Variants in FOXK2 observed in about 807,000 individuals in gnomAD.
The protein encoded by FOXK2 is forkhead box protein K2.
A neutral mutation model predicts 53.3 loss-of-function variants in FOXK2; 24 were observed. The ratio of observed to expected loss-of-function variants is 0.45; its 90% CI spans 0.33 to 0.63. The LOEUF is 0.63. Ranked by LOEUF, FOXK2 falls within the 30% of genes least tolerant of loss-of-function variation. The probability of loss-of-function intolerance (pLI) is 0.03; values close to 1 mark genes in which losing one functional copy is unlikely to be tolerated. For missense variants in FOXK2, 952 were observed against 910.5 expected, an observed-to-expected ratio of 1.05 and a Z score of -0.59; for synonymous variants, 505 against 407.1, an observed-to-expected ratio of 1.24 and a Z score of -2.89.
At chr17:82,568,781 G>A (rs960434998) in intron 3 of FOXK2, among the ~76,000 whole-genome samples, 2 of 152,132 alleles carry the variant, frequency 1.3e-5, no homozygotes, top group Non-Finnish European at 2.9e-5. Context: ...AGGCCAAGGC[G>A]GGGGGATCAC....
rs2045193479 is a variant in FOXK2 at position 82,587,225 on chromosome 17, C to G, written c.1739C>G (p.Thr580Ser). 6.2e-7 allele frequency: 1 copy of G among 1,612,992 alleles called. No homozygotes were observed. Among genetic ancestry groups the G allele is most frequent in the South Asian group, 1.1e-5 (1 of 91,090 alleles). The change falls in exon 8 of 9, where the codon ACT (threonine) becomes AGT (serine). Residue 580 changes from threonine to serine, a missense_variant. By Grantham distance (58) the Thr-to-Ser change is moderately conservative. Coordinates refer to ENST00000335255, the MANE Select transcript of FOXK2 (RefSeq NM_004514.4). Reference sequence around the variant, plus strand: ...ATAAAAACTGTAACACAAAACGGCACTCACGTGGCATCAGTCCCCACTGCG... The same window carrying G: ...ATAAAAACTGTAACACAAAACGGCAGTCACGTGGCATCAGTCCCCACTGCG... ...LPIKTVTQNG[T>S]HVASVPTAVH... is the part of the protein sequence containing the mutation.
At chr17:82,543,926 G>A (rs1167403479) in intron 1 of FOXK2, among the ~76,000 whole-genome samples, 1 of 151,834 alleles carries the variant, frequency 6.6e-6, no homozygotes, top group South Asian at 2.1e-4. Context: ...ACAGGCACCC[G>A]CCACCACGCC....
intron 8 of FOXK2, among the ~76,000 whole-genome samples, chr17:82,591,610 A>G (rs2045253417): frequency 6.6e-6 from 1 of 152,144 alleles, no homozygotes; most frequent in African/African-American, 2.4e-5. Flanking sequence ...AGTACATGGA[A>G]AGGAAAGCCT....
intron 1 of FOXK2, among the ~76,000 whole-genome samples, chr17:82,521,901 A>C (rs574231441): frequency 8.9e-4 from 134 of 151,032 alleles, no homozygotes; most frequent in Non-Finnish European, 1.7e-3. Context: ...GCACCACTGC[A>C]CTCCAGCCTG....
At chr17:82,523,112 A>G (rs1042229092) in intron 1 of FOXK2, among the ~76,000 whole-genome samples, 30 of 152,208 alleles carry the variant, frequency 2.0e-4, no homozygotes, top group African/African-American at 7.2e-4. Context: ...CCTTTTGAAC[A>G]GTAGGAATGA....
chr17:82,591,027 G>A (rs1225239865), intron 8 of FOXK2, among the ~76,000 whole-genome samples: 1 of 152,230 alleles, frequency 6.6e-6, no homozygotes, highest in Non-Finnish European at 1.5e-5. Context: ...CGGGGCTCAG[G>A]GCTTGGCCCC....
At chr17:82,524,131 C>G (rs184497243) in intron 1 of FOXK2, among the ~76,000 whole-genome samples, 1 of 152,056 alleles carries the variant, frequency 6.6e-6, no homozygotes. Context: ...TCAGGTGATC[C>G]GTCCCGCCTC....
chr17:82,548,656 G>C (rs1361734508), intron 1 of FOXK2, among the ~76,000 whole-genome samples: 1 of 152,150 alleles, frequency 6.6e-6, no homozygotes, highest in Non-Finnish European at 1.5e-5. Context: ...GAGGTGTACA[G>C]TCAAAAGCAT....
At chr17:82,526,736 A>C (rs919175379) in intron 1 of FOXK2, among the ~76,000 whole-genome samples, 5 of 151,984 alleles carry the variant, frequency 3.3e-5, no homozygotes, top group Non-Finnish European at 4.4e-5. Flanking sequence ...AGGCTGAGGC[A>C]GGAGAATGGC....
intron 3 of FOXK2, 101 bp from the exon 4 acceptor site, chr17:82,571,623 C>A: frequency 1.7e-6 from 2 of 1,208,786 alleles, no homozygotes; most frequent in South Asian, 3.7e-5. Context: ...AATGAGGTAT[C>A]AGAGGAACAC....
intron 1 of FOXK2, among the ~76,000 whole-genome samples, chr17:82,556,914 G>C (rs1032462854): frequency 6.6e-6 from 1 of 151,994 alleles, no homozygotes; most frequent in Non-Finnish European, 1.5e-5. Flanking sequence ...TGTTGGCCAG[G>C]CTAGTCTTGA....
At chr17:82,528,355 A>C (rs2044439034) in intron 1 of FOXK2, among the ~76,000 whole-genome samples, 1 of 152,172 alleles carries the variant, frequency 6.6e-6, no homozygotes, top group African/African-American at 2.4e-5. Context: ...AGGATTTCTA[A>C]ATTAAGGAAG....
intron 1 of FOXK2, among the ~76,000 whole-genome samples, chr17:82,556,243 AG>A (rs957685418): frequency 5.9e-5 from 9 of 152,042 alleles, no homozygotes; most frequent in African/African-American, 2.2e-4. Flanking sequence ...CAGGAGATTG[AG>A]ACCATCCTGG....
At chr17:82,552,813 A>G (rs892002921) in intron 1 of FOXK2, among the ~76,000 whole-genome samples, 3 of 152,172 alleles carry the variant, frequency 2.0e-5, no homozygotes, top group South Asian at 4.1e-4. Flanking sequence ...TGGAGTGCAG[A>G]GTGACCTCTG....
intron 1 of FOXK2, among the ~76,000 whole-genome samples, chr17:82,535,116 C>T (rs555396074): frequency 4.6e-5 from 7 of 152,258 alleles, no homozygotes; most frequent in Non-Finnish European, 1.0e-4. Context: ...CTGACCTCAG[C>T]TTATCCACCT....
chr17:82,586,509 AAGGAGGAGAGGGGAGACCACAGGGAGG>A (rs2045168099), intron 7 of FOXK2, among the ~76,000 whole-genome samples: 1 of 127,426 alleles, frequency 7.8e-6, no homozygotes, highest in African/African-American at 3.2e-5. Context: ...CCGGGGGGGA[AAGGAGGAGAGGGGAGACCACAGGGAGG>A]TCAAAGGTAG....
chr17:82,573,926 T>TG (rs559205243), intron 4 of FOXK2, among the ~76,000 whole-genome samples: 1 of 152,184 alleles, frequency 6.6e-6, no homozygotes, highest in Non-Finnish European at 1.5e-5. Flanking sequence ...GCCTCAGTTT[T>TG]GGGGGGGCCC....
intron 6 of FOXK2, 101 bp from the exon 7 acceptor site, chr17:82,585,803 T>A: frequency 8.3e-7 from 1 of 1,206,830 alleles, no homozygotes; most frequent in Non-Finnish European, 1.2e-6. Flanking sequence ...TCCTATATTT[T>A]AAATTAAAGT....
At chr17:82,582,594 T>A in intron 4 of FOXK2, 147 bp from the exon 5 acceptor site, 2 of 615,558 alleles carry the variant, frequency 3.2e-6, no homozygotes, top group East Asian at 5.8e-5. Flanking sequence ...ACATTACTTG[T>A]GTGACGCAAA....
Sources: allele counts gnomAD v4.1 joint callset (sites outside exome capture counted in the v4.1 genomes callset), GRCh38; gene constraint gnomAD v4.1.1; transcripts MANE v1.5; gene names NCBI Gene and HGNC (gene_info 2026-07-23, HGNC 2026-07-21).